The following ATP1A1 variants were observed in gnomAD, a reference collection of about 807,000 sequenced individuals.
ATP1A1 encodes the protein sodium/potassium-transporting ATPase subunit alpha-1.
ATP1A1 carries 14 observed loss-of-function variants against 114.8 expected under a neutral mutation model. The ratio of observed to expected loss-of-function variants is 0.12; its 90% confidence interval spans 0.08 to 0.19. The LOEUF (loss-of-function observed/expected upper bound fraction) is 0.19. Among genes scored for constraint, ATP1A1 ranks in the 10% least tolerant of loss-of-function variants. ATP1A1 has a pLI of 1.00. For missense variants in ATP1A1, 524 were observed against 1,290.7 expected (o/e 0.41, Z 9.10); for synonymous variants, 471 against 466.3 (o/e 1.01, Z -0.13).
In ATP1A1 at chr1:116,373,501, G is replaced by T; in HGVS notation, c.-11G>T. 6.6e-7 allele frequency: 1 copy of T among 1,505,192 alleles called. No individual in the cohort carries two copies. Among genetic ancestry groups the T allele is most frequent in the South Asian group, 1.3e-5 (1 of 79,496 alleles). The allele number at this position is 1,505,192 out of a possible 1,614,324, so 93.2% of individuals were successfully genotyped here. A position where few individuals can be genotyped will look rare whatever the true frequency, so the allele number is the denominator to read the frequency against. On this transcript the variant is annotated 5_prime_UTR_variant, in exon 1 of 23. Coordinates refer to ENST00000295598, the MANE Select transcript of ATP1A1 (RefSeq NM_000701.8). ...GACAGGACCCGGCGCCGGGCACTGA[G>T]CACCGCCACCATGGGGAAGGGGGTG...
In ATP1A1 at chr1:116,388,365, C is replaced by T. The variant is rs1652235393; in HGVS notation, c.501+121C>T. On this transcript the variant is annotated intron_variant, in intron 5 of 22. Coordinates refer to ENST00000295598, the MANE Select transcript of ATP1A1 (RefSeq NM_000701.8). This position sits in a 1 kb window ranked among gnomAD's most constrained non-coding sequence, Gnocchi z 5.6. ...CATGACTCATCAGAGAGATGGATGT[C>T]TTCTACCCCACCCAAAACCAACCTA... 4.0e-6 allele frequency: 4 copies of T among 1,006,236 alleles called. No individual in the cohort carries two copies. The highest frequency in any genetic ancestry group is 5.9e-6 in the Non-Finnish European group (4 of 680,180). 62.3% of individuals were successfully genotyped at this position (1,006,236 alleles called of 1,614,324 possible). A position where few individuals can be genotyped will look rare whatever the true frequency, so the allele number is the denominator to read the frequency against.
rs896646844 is a variant in ATP1A1, at chr1:116,373,543, G to A, written c.12+20G>A. ...AAGGGGGTGAGTGTCCGGCGCGCCC[G>A]GGGAGGGGGCTCGGGGAGCCCTCGA... On this transcript the variant is annotated intron_variant, in intron 1 of 22. Coordinates refer to ENST00000295598, the MANE Select transcript of ATP1A1 (RefSeq NM_000701.8). 8 of 1,447,816 alleles carry A rather than the reference G, an allele frequency of 5.5e-6. No homozygotes were observed. In the African/African-American group the frequency reaches 6.0e-5, roughly 11 times the overall value. 89.7% of individuals were successfully genotyped at this position (1,447,816 alleles called of 1,614,324 possible).
intron 1 of ATP1A1, among the ~76,000 whole-genome samples, chr1:116,380,449 T>C (rs1464581370): frequency 6.6e-6 from 1 of 152,178 alleles, no homozygotes; most frequent in Non-Finnish European, 1.5e-5. Flanking sequence ...GTGTTTGGGA[T>C]GGGTATGAAG....
Position 116,401,199 on chromosome 1 carries a change from C to T in ATP1A1, c.2788C>T (p.Gln930Ter). 6.2e-7 allele frequency: 1 copy of T among 1,614,210 alleles called. No homozygotes were observed. The highest frequency in any genetic ancestry group is 8.5e-7 in the Non-Finnish European group (1 of 1,180,040). The change falls in exon 20 of 23, where the codon CAG becomes TAG. Residue 930 changes from glutamine to a stop codon, truncating the protein, a stop_gained. Transcript: ENST00000295598. LOFTEE classifies it high-confidence loss of function. The surrounding 1 kb of genome is among the most constrained non-coding windows in gnomAD (Gnocchi z 4.7). ...CTTCTTCGTCAGTATCGTGGTGGTG[C>T]AGTGGGCCGACTTGGTCATCTGTAA... Reference protein sequence around the residue: ...TAFFVSIVVVQWADLVICKTR... With the variant: ...TAFFVSIVVV
chr1:116,404,686 G>C lies in ATP1A1; in HGVS notation c.*242G>C. 1.6e-6 allele frequency: 2 copies of C among 1,281,536 alleles called. No homozygotes were observed. The highest frequency in any genetic ancestry group is 2.0e-6 in the Non-Finnish European group (2 of 1,019,084). 79.4% of individuals were successfully genotyped at this position (1,281,536 alleles called of 1,614,324 possible). On this transcript the variant is annotated 3_prime_UTR_variant, in exon 23 of 23. Transcript: ENST00000295598. This position sits in a 1 kb window ranked among gnomAD's most constrained non-coding sequence, Gnocchi z 4.8. ...GGGGAAGGTTTTTATGTGCCTTTTT[G>C]TTTTTGTAAAAAAGGAACACCCGGA...
intron 1 of ATP1A1, among the ~76,000 whole-genome samples, chr1:116,378,043 G>C (rs1337254818): frequency 6.6e-6 from 1 of 152,162 alleles, no homozygotes; most frequent in East Asian, 1.9e-4. Context: ...TTCTTTGGCT[G>C]GAGTCATAGA....
At position 116,390,027 on chromosome 1, in the gene ATP1A1, A is replaced by G. The variant is rs1652341595; in HGVS notation, c.1024-186A>G. On this transcript the variant is annotated intron_variant, in intron 8 of 22. Transcript: ENST00000295598. ...GAATCCTGTTATTATTTTTCTTAAT[A>G]GATTGCTTTTCTGGAAGGAAGGGGA... 4.3e-6 allele frequency: 3 copies of G among 692,958 alleles called. No homozygotes were observed. The African/African-American group carries it at 5.4e-5, about 13-fold the overall frequency. 42.9% of individuals were successfully genotyped at this position (692,958 alleles called of 1,614,324 possible).
At chr1:116,375,851 CCTCCT>C (rs1257384777) in intron 1 of ATP1A1, among the ~76,000 whole-genome samples, 1 of 152,136 alleles carries the variant, frequency 6.6e-6, no homozygotes, top group East Asian at 1.9e-4. Flanking sequence ...AATTTCTTCC[CCTCCT>C]CTCCTCAGTA....
chr1:116,384,560 C>T lies in ATP1A1; in HGVS notation c.124-223C>T, dbSNP rs1340030082. Among the ~76,000 whole-genome samples the T allele has an allele frequency of 4.6e-5, 7 of 152,140 alleles. No homozygotes were observed. The highest frequency in any genetic ancestry group is 7.2e-5 in the African/African-American group (3 of 41,422). ...TGTTATGGCAAATAGTAATGGGCCA[C>T]GGTCACTCAGCTTTAGCCATTCTCC... On this transcript the variant is annotated intron_variant, in intron 2 of 22. Transcript: ENST00000295598. The surrounding 1 kb of genome is among the most constrained non-coding windows in gnomAD (Gnocchi z 5.1).
At chr1:116,378,812 C>CATTAATAATA (rs1446610680) in intron 1 of ATP1A1, among the ~76,000 whole-genome samples, 2 of 151,982 alleles carry the variant, frequency 1.3e-5, no homozygotes, top group African/African-American at 4.8e-5. Context: ...AACGCATATG[C>CATTAATAATA]TGATTATTAA....
intron 1 of ATP1A1, among the ~76,000 whole-genome samples, chr1:116,382,074 C>G (rs1167922510): frequency 2.0e-5 from 3 of 152,030 alleles, no homozygotes; most frequent in Non-Finnish European, 4.4e-5. Flanking sequence ...ACTCAGGAGG[C>G]TGAAGCAGGG....
In ATP1A1 at chr1:116,401,547, AT is replaced by A; in HGVS notation, c.2850-3del. 2 of 1,613,696 alleles carry A rather than the reference AT, an allele frequency of 1.2e-6. No individual in the cohort carries two copies. Among genetic ancestry groups the A allele is most frequent in the Non-Finnish European group, 1.7e-6 (2 of 1,179,854 alleles). On this transcript the variant is annotated splice_polypyrimidine_tract_variant and splice_region_variant and intron_variant, in intron 20 of 22. Coordinates refer to ENST00000295598, the MANE Select transcript of ATP1A1 (RefSeq NM_000701.8). The surrounding 1 kb of genome is among the most constrained non-coding windows in gnomAD (Gnocchi z 4.7). ...TTTAAGTTTTTTCTCCCCTACTTTGATTTTAGGAACAAGATCTTGATATTTG... is the reference window on the plus strand; with the variant it reads ...TTTAAGTTTTTTCTCCCCTACTTTGATTTAGGAACAAGATCTTGATATTTG...
At chr1:116,400,523 A>T (rs1420962705) in intron 18 of ATP1A1, among the ~76,000 whole-genome samples, 1 of 152,228 alleles carries the variant, frequency 6.6e-6, no homozygotes, top group African/African-American at 2.4e-5. Context: ...GAGATTAAAA[A>T]GTAGGGAAGT....
Position 116,403,990 on chromosome 1 carries a change from TCTGA to T in ATP1A1, c.3043+18_3043+21del. ...ACGCCCTGGCGGTAATTATGGGCAT[TCTGA>T]CTTTGGTTGGAGGAGGAGTGGGAGG... On this transcript the variant is annotated intron_variant, in intron 22 of 22. Transcript: ENST00000295598. 6.2e-7 allele frequency: 1 copy of T among 1,611,654 alleles called. No homozygotes were observed. Among genetic ancestry groups the T allele is most frequent in the Non-Finnish European group, 8.5e-7 (1 of 1,178,118 alleles).
At chr1:116,391,068 G>C (rs985312181) in intron 10 of ATP1A1, among the ~76,000 whole-genome samples, 177 bp downstream of exon 10, 22 of 152,208 alleles carry the variant, frequency 1.4e-4, no homozygotes, top group Admixed American at 1.2e-3. Flanking sequence ...TGTAGATCCT[G>C]ATGTATTATA....
Position 116,384,049 on chromosome 1 carries a change from A to G in ATP1A1, c.48A>G (p.Ser16=), listed in dbSNP as rs1290482649. Residue 16 remains serine, a synonymous_variant, in exon 2 of 23, where the codon TCA becomes TCG. Transcript: ENST00000295598. This position sits in a 1 kb window ranked among gnomAD's most constrained non-coding sequence, Gnocchi z 5.1. ...GRDKYEPAAV[S]EQGDKKGKKG... Reference sequence around the variant, plus strand: ...ATAAGTATGAGCCTGCAGCTGTTTCAGAACAAGGTGATAAAAAGGGCAAAA... The same window carrying G: ...ATAAGTATGAGCCTGCAGCTGTTTCGGAACAAGGTGATAAAAAGGGCAAAA... 2.5e-6 allele frequency: 4 copies of G among 1,614,016 alleles called. No homozygotes were observed. The highest frequency in any genetic ancestry group is 3.4e-6 in the Non-Finnish European group (4 of 1,179,992).
Position 116,396,709 on chromosome 1 carries a change from A to G in ATP1A1, c.1948A>G (p.Ile650Val). 6.3e-7 allele frequency: 1 copy of G among 1,593,194 alleles called. No individual in the cohort carries two copies. The highest frequency in any genetic ancestry group is 2.3e-5 in the East Asian group (1 of 44,102). The change falls in exon 14 of 23, where the codon ATC (isoleucine) becomes GTC (valine). Residue 650 changes from isoleucine (I) to valine (V), a missense_variant. Transcript: ENST00000295598. ...GGAAGACATTGCTGCCCGCCTCAAC[A>G]TCCCAGTCAGCCAGGTGAACCCCAG... Reference protein sequence around the residue: ...TVEDIAARLNIPVSQVNPRDA... With the variant: ...TVEDIAARLNVPVSQVNPRDA...
chr1:116,376,414 C>T (rs1184427680), intron 1 of ATP1A1, among the ~76,000 whole-genome samples: 1 of 152,148 alleles, frequency 6.6e-6, no homozygotes, highest in African/African-American at 2.4e-5. Flanking sequence ...AGACTTAAAG[C>T]ATTGTAAGGC....
chr1:116,374,247 CT>C (rs748044366), intron 1 of ATP1A1: 3 of 1,551,704 alleles, frequency 1.9e-6, no homozygotes, highest in South Asian at 1.2e-5. Context: ...TTAAGGTATA[CT>C]TTTGAGGGCT....
Sources: gnomAD v4.1 joint callset for allele counts (sites outside exome capture counted in the v4.1 genomes callset) on GRCh38, gnomAD v4.1.1 for gene constraint, Gnocchi (gnomAD v3.1) non-coding constraint, MANE v1.5 for transcripts, NCBI Gene and HGNC (gene_info 2026-07-23, HGNC 2026-07-21) for gene names.